The following ADAMTSL1 variants were observed in gnomAD, a reference collection of about 807,000 sequenced individuals.
The protein encoded by ADAMTSL1 is ADAMTS-like protein 1.
A neutral mutation model predicts 201.8 loss-of-function variants in ADAMTSL1; 126 were observed. The observed-to-expected ratio is 0.62, with a 90% confidence interval of 0.54 to 0.72. The LOEUF (loss-of-function observed/expected upper bound fraction) is 0.72, where lower values mean the gene tolerates loss of function less well. Ranked by LOEUF, ADAMTSL1 falls within the 30% of genes least tolerant of loss-of-function variation. The pLI is 0.00. For missense variants in ADAMTSL1, 2,679 were observed against 2,277.8 expected (o/e 1.18, Z -3.59); for synonymous variants, 1,121 against 903.4 (o/e 1.24, Z -4.32).
At chr9:18,846,298 C>G (rs201769976) in intron 23 of ADAMTSL1, among the ~76,000 whole-genome samples, 12 of 125,866 alleles carry the variant, frequency 9.5e-5, no homozygotes, top group Non-Finnish European at 1.8e-4. Context: ...GAGCTGGGGG[C>G]TTTTCAGGTC....
At position 18,157,891 on chromosome 9, in the gene ADAMTSL1, A is replaced by C. The variant is rs1177297104; in HGVS notation, c.88-5971A>C. 2.6e-5 allele frequency among the ~76,000 whole-genome samples: 4 copies of C among 152,090 alleles called. No individual in the cohort carries two copies. In the Middle Eastern group the frequency reaches 0.014, roughly 517 times the overall value. On this transcript the variant is annotated intron_variant, in intron 1 of 29. Coordinates refer to the ADAMTSL1 transcript ENST00000680146. Reference sequence around the variant, plus strand: ...CCATTAGCTGTGAACACCTGAAGCTACTTCAAGCATCTTTTTCTTCCCCCA... The same window carrying C: ...CCATTAGCTGTGAACACCTGAAGCTCCTTCAAGCATCTTTTTCTTCCCCCA...
At chr9:18,799,745 GT>G (rs149540264) in intron 20 of ADAMTSL1, among the ~76,000 whole-genome samples, 1 of 152,004 alleles carries the variant, frequency 6.6e-6, no homozygotes, top group Non-Finnish European at 1.5e-5. Flanking sequence ...TTCCTAGCAT[GT>G]TTTTTTGCTC....
chr9:18,286,199 G>C (rs971997950), intron 2 of ADAMTSL1, among the ~76,000 whole-genome samples: 2 of 152,096 alleles, frequency 1.3e-5, no homozygotes, highest in Non-Finnish European at 2.9e-5. Context: ...TGTGAAATTT[G>C]GAGGGAAATT....
intron 1 of ADAMTSL1, among the ~76,000 whole-genome samples, chr9:18,117,712 A>T (rs1825315487): frequency 6.6e-6 from 1 of 152,170 alleles, no homozygotes. Flanking sequence ...TCTCAGGGGC[A>T]GGGGTCTTTG....
intron 2 of ADAMTSL1, among the ~76,000 whole-genome samples, chr9:18,180,913 G>A (rs1032637658): frequency 2.0e-5 from 3 of 152,152 alleles, no homozygotes; most frequent in African/African-American, 4.8e-5. Flanking sequence ...AACCAAAACA[G>A]CATGGTACTG....
At chr9:18,284,526 T>A (rs1320495342) in intron 2 of ADAMTSL1, among the ~76,000 whole-genome samples, 2 of 152,212 alleles carry the variant, frequency 1.3e-5, no homozygotes, top group Non-Finnish European at 2.9e-5. Context: ...CTATTTCTTA[T>A]GATAAATGAG....
chr9:18,505,877 G>A (rs1294181341), intron 2 of ADAMTSL1, among the ~76,000 whole-genome samples: 1 of 152,188 alleles, frequency 6.6e-6, no homozygotes, highest in Non-Finnish European at 1.5e-5. Context: ...TTTAATAAGA[G>A]TGAGAATTTC....
At chr9:18,230,313 G>A (rs1191211794) in intron 2 of ADAMTSL1, among the ~76,000 whole-genome samples, 1 of 152,070 alleles carries the variant, frequency 6.6e-6, no homozygotes, top group Non-Finnish European at 1.5e-5. Context: ...TATGATACCG[G>A]CCTACATGGG....
intron 1 of ADAMTSL1, among the ~76,000 whole-genome samples, chr9:17,957,634 G>C (rs1827980776): frequency 6.6e-6 from 1 of 152,170 alleles, no homozygotes; most frequent in Non-Finnish European, 1.5e-5. Context: ...CCAAATTCAT[G>C]TCCACTTAGA....
intron 23 of ADAMTSL1, among the ~76,000 whole-genome samples, chr9:18,885,772 G>C (rs1828810393): frequency 6.6e-6 from 1 of 152,078 alleles, no homozygotes; most frequent in Non-Finnish European, 1.5e-5. Context: ...AAATAAGTGA[G>C]CAAAGAAACG....
chr9:18,440,080 A>G (rs1819930232), intron 2 of ADAMTSL1, among the ~76,000 whole-genome samples: 1 of 152,228 alleles, frequency 6.6e-6, no homozygotes. Context: ...GACCCTGCTT[A>G]AAATTCTCTT....
intron 13 of ADAMTSL1, among the ~76,000 whole-genome samples, chr9:18,687,783 A>G (rs1410470676): frequency 6.6e-6 from 1 of 152,232 alleles, no homozygotes; most frequent in Non-Finnish European, 1.5e-5. Context: ...GAAGAAAACA[A>G]TGATAAAAGA....
intron 2 of ADAMTSL1, among the ~76,000 whole-genome samples, chr9:18,463,315 CA>C (rs150832846): frequency 0.021 from 3,167 of 152,274 alleles, 82 homozygotes; most frequent in African/African-American, 0.061. Flanking sequence ...ATTGCTTTTA[CA>C]TAAGTAAATT....
chr9:18,123,991 T>C (rs1476578384), intron 1 of ADAMTSL1, among the ~76,000 whole-genome samples: 1 of 152,082 alleles, frequency 6.6e-6, no homozygotes. Context: ...TTCTACTTGG[T>C]ATGAAATGGT....
At chr9:18,650,624 G>T (rs927432035) in intron 7 of ADAMTSL1, among the ~76,000 whole-genome samples, 1 of 152,184 alleles carries the variant, frequency 6.6e-6, no homozygotes, top group Admixed American at 6.5e-5. Context: ...GGAAGATTTT[G>T]TGACAGTGAG....
At chr9:18,202,419 C>T (rs535341994) in intron 2 of ADAMTSL1, among the ~76,000 whole-genome samples, 2 of 152,332 alleles carry the variant, frequency 1.3e-5, no homozygotes, top group South Asian at 2.1e-4. Context: ...GCTCAATCTT[C>T]AGTGGAGCTG....
chr9:18,178,322 C>T (rs1828275293), intron 2 of ADAMTSL1, among the ~76,000 whole-genome samples: 1 of 152,166 alleles, frequency 6.6e-6, no homozygotes, highest in African/African-American at 2.4e-5. Context: ...TTCCGACGGG[C>T]TTAAAAAACG....
chr9:18,397,477 A>G (rs1817802096), intron 2 of ADAMTSL1, among the ~76,000 whole-genome samples: 2 of 152,202 alleles, frequency 1.3e-5, no homozygotes, highest in Non-Finnish European at 2.9e-5. Context: ...TAAGAGGGCT[A>G]CATCATTATT....
intron 2 of ADAMTSL1, among the ~76,000 whole-genome samples, chr9:18,354,048 C>T (rs369318387): frequency 7.0e-6 from 1 of 142,576 alleles, no homozygotes. Flanking sequence ...TTTTTCTATA[C>T]ATATATATAT....
Sources: gnomAD v4.1 joint callset for allele counts (sites outside exome capture counted in the v4.1 genomes callset) on GRCh38, gnomAD v4.1.1 for gene constraint, MANE v1.5 for transcripts, NCBI Gene and HGNC (gene_info 2026-07-23, HGNC 2026-07-21) for gene names.